The following PRDM5 variants were observed in gnomAD, a reference collection of about 807,000 sequenced individuals.
The protein encoded by PRDM5 is PR domain zinc finger protein 5.
PRDM5 carries 56 observed loss-of-function variants against 81.2 expected under a neutral mutation model. The observed-to-expected ratio is 0.69, with a 90% CI of 0.56 to 0.86. The LOEUF (loss-of-function observed/expected upper bound fraction) is 0.86. Ranked by LOEUF, PRDM5 falls within the 40% of genes least tolerant of loss-of-function variation. PRDM5 has a pLI of 0.00. For synonymous variants in PRDM5, 267 were observed against 256.4 expected, an observed-to-expected ratio of 1.04 and a Z score of -0.39; for missense variants, 697 against 770.1, an observed-to-expected ratio of 0.91 and a Z score of 1.12.
At chr4:120,904,262 G>A (rs1356334320) in intron 2 of PRDM5, among the ~76,000 whole-genome samples, 1 of 140,060 alleles carries the variant, frequency 7.1e-6, no homozygotes, top group Non-Finnish European at 1.5e-5. Flanking sequence ...TTTATTAGCA[G>A]CATGACAACA....
chr4:120,881,823 G>C (rs1336305695), intron 2 of PRDM5, among the ~76,000 whole-genome samples: 1 of 152,164 alleles, frequency 6.6e-6, no homozygotes, highest in Non-Finnish European at 1.5e-5. Flanking sequence ...TTGTTGGAAA[G>C]GCCATGTATT....
At chr4:120,840,030 G>C (rs1365822028) in intron 3 of PRDM5, among the ~76,000 whole-genome samples, 1 of 152,200 alleles carries the variant, frequency 6.6e-6, no homozygotes, top group Non-Finnish European at 1.5e-5. Context: ...CAGGGAGCGG[G>C]AGCAGGCATT....
At chr4:120,755,599 G>A (rs1376519636) in intron 13 of PRDM5, among the ~76,000 whole-genome samples, 1 of 152,072 alleles carries the variant, frequency 6.6e-6, no homozygotes, top group African/African-American at 2.4e-5. Context: ...ATTCAATCTG[G>A]ATATCATGTG....
chr4:120,793,646 T>C (rs1207535998), intron 10 of PRDM5, among the ~76,000 whole-genome samples: 1 of 152,232 alleles, frequency 6.6e-6, no homozygotes, highest in Non-Finnish European at 1.5e-5. Flanking sequence ...ATTATTTTAA[T>C]TGACAAATAA....
intron 1 of PRDM5, among the ~76,000 whole-genome samples, chr4:120,909,708 C>T (rs1465315429): frequency 4.9e-5 from 4 of 82,246 alleles, no homozygotes; most frequent in East Asian, 7.0e-4. Context: ...GCAATGGGAT[C>T]GGGGGGTGGG....
chr4:120,816,979 G>C (rs1754607529), intron 5 of PRDM5, 55 bp from the exon 6 acceptor site: 19 of 1,354,040 alleles, frequency 1.4e-5, no homozygotes, highest in Non-Finnish European at 1.9e-5. Context: ...GGAACTCTAA[G>C]ACAAAAATGA....
chr4:120,838,887 G>C, intron 3 of PRDM5: 1 of 291,692 alleles, frequency 3.4e-6, no homozygotes, highest in East Asian at 6.0e-5. Flanking sequence ...GCATGGAGCG[G>C]CAAGGGGTGT....
intron 8 of PRDM5, among the ~76,000 whole-genome samples, chr4:120,805,915 C>CCT (rs1553974822): frequency 6.6e-6 from 1 of 151,654 alleles, no homozygotes; most frequent in Non-Finnish European, 1.5e-5. Context: ...TCAAATTGTC[C>CCT]GTTTGCAGAT....
chr4:120,861,090 C>T (rs1436691364), intron 2 of PRDM5, among the ~76,000 whole-genome samples: 1 of 152,190 alleles, frequency 6.6e-6, no homozygotes, highest in African/African-American at 2.4e-5. Flanking sequence ...TCAGTGCAAC[C>T]TGTGTCTCCT....
chr4:120,689,600 C>CTTTTT (rs68162390), downstream of PRDM5, among the ~76,000 whole-genome samples: 3 of 143,976 alleles, frequency 2.1e-5, no homozygotes, highest in Non-Finnish European at 3.1e-5. Context: ...TTTCAAAATT[C>CTTTTT]TTTTTTTTTT....
intron 15 of PRDM5, among the ~76,000 whole-genome samples, chr4:120,707,082 C>T (rs1021259248): frequency 6.6e-5 from 10 of 152,014 alleles, no homozygotes; most frequent in Non-Finnish European, 1.2e-4. Context: ...CTAGCATTAA[C>T]TTAATAATAA....
At chr4:120,810,543 C>A (rs1461810210) in intron 8 of PRDM5, 2 of 151,844 alleles carry the variant, frequency 1.3e-5, no homozygotes, top group South Asian at 4.2e-4. Context: ...GGAGGACACA[C>A]AAATTCATAA....
downstream of PRDM5, among the ~76,000 whole-genome samples, chr4:120,690,159 A>G (rs1733984144): frequency 2.0e-5 from 3 of 152,210 alleles, no homozygotes; most frequent in African/African-American, 7.2e-5. Flanking sequence ...TAGAAAATAA[A>G]AAGTATAGAG....
chr4:120,787,993 C>T (rs1423008094), intron 10 of PRDM5, among the ~76,000 whole-genome samples: 1 of 152,048 alleles, frequency 6.6e-6, no homozygotes, highest in Non-Finnish European at 1.5e-5. Flanking sequence ...ATGATGGATA[C>T]CATTCAGTGT....
chr4:120,701,898 C>A (rs187564210), intron 15 of PRDM5, among the ~76,000 whole-genome samples: 113 of 152,234 alleles, frequency 7.4e-4, no homozygotes, highest in African/African-American at 2.5e-3. Context: ...ATGCCTGCTG[C>A]AATATACATC....
intron 2 of PRDM5, among the ~76,000 whole-genome samples, chr4:120,855,181 T>C (rs1759733166): frequency 6.6e-6 from 1 of 152,172 alleles, no homozygotes; most frequent in South Asian, 2.1e-4. Context: ...AAGAATACAG[T>C]CTGCCTGTTC....
chr4:120,722,358 G>A (rs1738750088), intron 14 of PRDM5, among the ~76,000 whole-genome samples: 1 of 152,060 alleles, frequency 6.6e-6, no homozygotes, highest in Non-Finnish European at 1.5e-5. Flanking sequence ...TGTGTCTTGG[G>A]TGACTCTGCT....
chr4:120,814,914 T>C (rs1253856343), intron 7 of PRDM5, among the ~76,000 whole-genome samples: 1 of 152,228 alleles, frequency 6.6e-6, no homozygotes, highest in African/African-American at 2.4e-5. Context: ...CAAGATTTCC[T>C]TTTATGAATT....
chr4:120,715,597 A>G (rs935880532), intron 14 of PRDM5, among the ~76,000 whole-genome samples: 17 of 152,202 alleles, frequency 1.1e-4, no homozygotes, highest in Non-Finnish European at 2.1e-4. Context: ...ATTTGTTTGA[A>G]GTTGCTGGGA....
Sources: gnomAD v4.1 joint callset for allele counts (sites outside exome capture counted in the v4.1 genomes callset) on GRCh38, gnomAD v4.1.1 for gene constraint, MANE v1.5 for transcripts, NCBI Gene and HGNC (gene_info 2026-07-23, HGNC 2026-07-21) for gene names.